Variants in LSM11 observed in about 807,000 individuals in gnomAD.
LSM11 encodes the protein LSM11, U7 small nuclear RNA associated.
A neutral mutation model predicts 28.1 loss-of-function variants in LSM11; 14 were observed. The ratio of observed to expected loss-of-function variants is 0.50; its 90% CI spans 0.33 to 0.78. The LOEUF is 0.78. LSM11 is among the 30% of genes least tolerant of loss of function. The pLI is 0.02. For synonymous variants in LSM11, 207 were observed against 214.2 expected, an observed-to-expected ratio of 0.97 and a Z score of 0.30; for missense variants, 495 against 510.6, an observed-to-expected ratio of 0.97 and a Z score of 0.30.
rs1761387870 is a variant in LSM11 at position 157,760,153 on chromosome 5, C to T, written c.*4889C>T. On this transcript the variant is annotated 3_prime_UTR_variant, in exon 4 of 4. Transcript: ENST00000286307. ...TTAGGAAAGCCATAAAAGTGATTCC[C>T]AATACTTTGCAATTGCTTTTGATTT... 6.6e-6 allele frequency: 1 copy of T among 152,080 alleles called. No homozygotes were observed. Among genetic ancestry groups the T allele is most frequent in the African/African-American group, 2.4e-5 (1 of 41,388 alleles). 9.4% of individuals were successfully genotyped at this position (152,080 alleles called of 1,614,324 possible).
intron 1 of LSM11, among the ~76,000 whole-genome samples, chr5:157,749,230 AG>A (rs1761189339): frequency 1.3e-5 from 2 of 152,320 alleles, no homozygotes; most frequent in African/African-American, 4.8e-5. Flanking sequence ...CTATTTTTGG[AG>A]GTGTGGGAAA....
chr5:157,754,926 A>G lies in LSM11; in HGVS notation c.745A>G (p.Thr249Ala), dbSNP rs1396197549. Residue 249 changes from threonine to alanine, a missense_variant, in exon 4 of 4, where the codon ACT (threonine) becomes GCT (alanine). Transcript: ENST00000286307. ...TTCTAAGTCTGCAGTTGAAGATTCC[A>G]CTCTGTCTAGATACTCACAGACATC... The part of the protein sequence containing the change: ...ADSKSAVEDS[T>A]LSRYSQTSTW... 2 of 1,614,166 alleles carry G rather than the reference A, an allele frequency of 1.2e-6. No homozygotes were observed. Among genetic ancestry groups the G allele is most frequent in the Non-Finnish European group, 1.7e-6 (2 of 1,180,024 alleles).
rs1450184404 is a variant in LSM11 at position 157,754,052 on chromosome 5, G to A, written c.637G>A (p.Ala213Thr). 1 of 1,573,538 alleles carries A rather than the reference G, an allele frequency of 6.4e-7. No individual in the cohort carries two copies. The highest frequency in any genetic ancestry group is 1.4e-5 in the African/African-American group (1 of 72,882). The change falls in exon 3 of 4, where the codon GCA becomes ACA. Residue 213 changes from alanine to threonine, a missense_variant. Coordinates refer to ENST00000286307, the MANE Select transcript of LSM11 (RefSeq NM_173491.4). ...CTACCGAAAACCTGTCCTAGGCAAAGCATATGAACGGGATTCTTCACTGAC... is the reference window on the plus strand; with the variant it reads ...CTACCGAAAACCTGTCCTAGGCAAAACATATGAACGGGATTCTTCACTGAC... ...ETYRKPVLGK[A>T]YERDSSLTLT...
rs778491893 is a variant in LSM11 at position 157,743,761 on chromosome 5, G to C, written c.11G>C (p.Arg4Pro). Residue 4 changes from arginine to proline, a missense_variant, in exon 1 of 4, where the codon CGG becomes CCG. By Grantham distance (103) the Arg-to-Pro change is moderately radical. Coordinates refer to ENST00000286307, the MANE Select transcript of LSM11 (RefSeq NM_173491.4). MEERERGARSAGAG... is the reference protein window; with the variant it reads MEEPERGARSAGAG... ...GCGGGCCTTTCAAACATGGAGGAGC[G>C]GGAGCGGGGGGCGAGGTCGGCTGGC... 3 of 1,399,906 alleles carry C rather than the reference G, an allele frequency of 2.1e-6. No homozygotes were observed. The highest frequency in any genetic ancestry group is 3.2e-5 in the Admixed American group (1 of 30,944). The allele number at this position is 1,399,906 out of a possible 1,614,324, so 86.7% of individuals were successfully genotyped here. A position where few individuals can be genotyped will look rare whatever the true frequency, so the allele number is the denominator to read the frequency against.
rs186231235 is a variant in LSM11, at chr5:157,744,349, T to C, written c.448+151T>C. ...AATTTGCGGGGATCATCAGTGACTATGGGGTGGATCTGCTTGAGTAATGTG... is the reference window on the plus strand; with the variant it reads ...AATTTGCGGGGATCATCAGTGACTACGGGGTGGATCTGCTTGAGTAATGTG... On this transcript the variant is annotated intron_variant, in intron 1 of 3. Transcript: ENST00000286307. 1,452 of 522,406 alleles carry C rather than the reference T, an allele frequency of 2.8e-3. 13 individuals carry two copies. Among genetic ancestry groups the C allele is most frequent in the Non-Finnish European group, 1.8e-3 (615 of 338,636 alleles). 32.4% of individuals were successfully genotyped at this position (522,406 alleles called of 1,614,324 possible). A position where few individuals can be genotyped will look rare whatever the true frequency, so the allele number is the denominator to read the frequency against.
intron 1 of LSM11, among the ~76,000 whole-genome samples, chr5:157,744,989 A>G (rs1395616162): frequency 6.6e-6 from 1 of 152,208 alleles, no homozygotes; most frequent in Non-Finnish European, 1.5e-5. Flanking sequence ...TCATATTACC[A>G]TATGTGCAGG....
At chr5:157,752,758 A>T (rs943848768) in intron 2 of LSM11, among the ~76,000 whole-genome samples, 1 of 150,918 alleles carries the variant, frequency 6.6e-6, no homozygotes. Context: ...AGGGAGGAGA[A>T]TCACTTGAAG....
intron 1 of LSM11, among the ~76,000 whole-genome samples, chr5:157,745,939 G>A (rs1761139632): frequency 6.6e-6 from 1 of 152,160 alleles, no homozygotes; most frequent in Admixed American, 6.5e-5. Flanking sequence ...TGGGAGGAGG[G>A]TGAGAATCAC....
rs995345584 is a variant in LSM11 at position 157,757,905 on chromosome 5, A to G, written c.*2641A>G. On this transcript the variant is annotated 3_prime_UTR_variant, in exon 4 of 4. Transcript: ENST00000286307. Reference sequence around the variant, plus strand: ...CATATAGCCGTATAAGGATTGATTTACCATTTTTTGCCCAACATGACAATT... The same window carrying G: ...CATATAGCCGTATAAGGATTGATTTGCCATTTTTTGCCCAACATGACAATT... 6.6e-6 allele frequency: 1 copy of G among 152,206 alleles called. No individual in the cohort carries two copies. Among genetic ancestry groups the G allele is most frequent in the Non-Finnish European group, 1.5e-5 (1 of 68,030 alleles). The allele number at this position is 152,206 out of a possible 1,614,324, so 9.4% of individuals were successfully genotyped here.
chr5:157,749,312 A>G (rs1451263182), intron 1 of LSM11, among the ~76,000 whole-genome samples: 1 of 152,196 alleles, frequency 6.6e-6, no homozygotes. Flanking sequence ...AACATACATC[A>G]TAGGGCAGGG....
rs999493174 is a variant in LSM11 at position 157,755,867 on chromosome 5, G to T, written c.*603G>T. ...GTATGCTCAAAGCAGCCAGCAATGA[G>T]TGCTCTGTTTTGATCCTTCTTCTTA... is the stretch of plus-strand genomic sequence containing the variant. On this transcript the variant is annotated 3_prime_UTR_variant, in exon 4 of 4. Coordinates refer to ENST00000286307, the MANE Select transcript of LSM11 (RefSeq NM_173491.4). 4 of 397,870 alleles carry T rather than the reference G, an allele frequency of 1.0e-5. No homozygotes were observed. Among genetic ancestry groups the T allele is most frequent in the African/African-American group, 8.2e-5 (4 of 48,492 alleles). 24.6% of individuals were successfully genotyped at this position (397,870 alleles called of 1,614,324 possible).
chr5:157,759,097 C>A lies in LSM11; in HGVS notation c.*3833C>A, dbSNP rs1761373474. 1 of 152,176 alleles carries A rather than the reference C, an allele frequency of 6.6e-6. No homozygotes were observed. Among genetic ancestry groups the A allele is most frequent in the Admixed American group, 6.5e-5 (1 of 15,282 alleles). The allele number at this position is 152,176 out of a possible 1,614,324, so 9.4% of individuals were successfully genotyped here. A position where few individuals can be genotyped will look rare whatever the true frequency, so the allele number is the denominator to read the frequency against. On this transcript the variant is annotated 3_prime_UTR_variant, in exon 4 of 4. Transcript: ENST00000286307. ...GAGAGTGGCTTTAGACCAGTCAGTACCTTGCTCTTTGTGCATGGTGCATGT... is the reference window on the plus strand; with the variant it reads ...GAGAGTGGCTTTAGACCAGTCAGTAACTTGCTCTTTGTGCATGGTGCATGT...
rs1368995710 is a variant in LSM11 at position 157,758,272 on chromosome 5, T to C, written c.*3008T>C. The C allele has an allele frequency of 6.6e-6, 1 of 152,028 alleles. No homozygotes were observed. The highest frequency in any genetic ancestry group is 1.5e-5 in the Non-Finnish European group (1 of 67,972). 9.4% of individuals were successfully genotyped at this position (152,028 alleles called of 1,614,324 possible). On this transcript the variant is annotated 3_prime_UTR_variant, in exon 4 of 4. Coordinates refer to ENST00000286307, the MANE Select transcript of LSM11 (RefSeq NM_173491.4). ...TGGGTCAGCCACCATGGCTGACTCA[T>C]TTTTTGTATTTTTAGTAGAGAAGGG...
At chr5:157,744,335 A>C (rs1262563024) in intron 1 of LSM11, 137 bp downstream of exon 1, 4 of 589,116 alleles carry the variant, frequency 6.8e-6, no homozygotes, top group Non-Finnish European at 1.0e-5. Flanking sequence ...ATTTGCGGGG[A>C]TCATCAGTGA....
Position 157,751,450 on chromosome 5 carries a change from A to G in LSM11, c.509A>G (p.Asn170Ser), listed in dbSNP as rs1761229841. The G allele has an allele frequency of 6.2e-7, 1 of 1,612,542 alleles. No individual in the cohort carries two copies. The highest frequency in any genetic ancestry group is 8.5e-7 in the Non-Finnish European group (1 of 1,179,438). Residue 170 changes from asparagine (N) to serine (S), a missense_variant, in exon 2 of 4, where the codon AAT becomes AGT. Coordinates refer to ENST00000286307, the MANE Select transcript of LSM11 (RefSeq NM_173491.4). ...HRCIREGVKV[N>S]VHIRTFKGLR... ...TGTATCCGTGAGGGGGTGAAGGTGA[A>G]TGTTCACATCCGCACTTTCAAGGGA...
At chr5:157,746,024 G>A (rs769665331) in intron 1 of LSM11, among the ~76,000 whole-genome samples, 18 of 152,038 alleles carry the variant, frequency 1.2e-4, no homozygotes, top group Admixed American at 1.3e-4. Flanking sequence ...AGTGACACAC[G>A]ATTTACACCT....
chr5:157,745,989 CA>C (rs1375494088), intron 1 of LSM11, among the ~76,000 whole-genome samples: 2 of 152,014 alleles, frequency 1.3e-5, no homozygotes, highest in East Asian at 3.8e-4. Context: ...ACCTGGGTGA[CA>C]AAATAATTTG....
chr5:157,752,053 T>C (rs899116681), intron 2 of LSM11, among the ~76,000 whole-genome samples: 1 of 152,180 alleles, frequency 6.6e-6, no homozygotes, highest in East Asian at 1.9e-4. Context: ...CTGAACCCCA[T>C]GCTAGGTGCA....
At position 157,744,075 on chromosome 5, in the gene LSM11, C is replaced by T. The variant is rs1433632246; in HGVS notation, c.325C>T (p.Arg109Cys). Reference protein sequence around the residue: ...RPDAPAPDPERIQRLRRLMVA... With the variant: ...RPDAPAPDPECIQRLRRLMVA... ...GGACGCGCCCGCCCCGGACCCCGAG[C>T]GCATCCAGCGCCTCCGCCGTCTCAT... is the stretch of plus-strand genomic sequence containing the variant. Residue 109 changes from arginine (R) to cysteine (C), a missense_variant, in exon 1 of 4, where the codon CGC becomes TGC. Physicochemically the swap from Arg to Cys is radical, Grantham distance 180 (BLOSUM62 -3). Transcript: ENST00000286307. 3 of 1,476,632 alleles carry T rather than the reference C, an allele frequency of 2.0e-6. No homozygotes were observed. Among genetic ancestry groups the T allele is most frequent in the East Asian group, 2.9e-5 (1 of 34,444 alleles). The allele number at this position is 1,476,632 out of a possible 1,614,324, so 91.5% of individuals were successfully genotyped here.
Sources: allele counts gnomAD v4.1 joint callset (sites outside exome capture counted in the v4.1 genomes callset), GRCh38; gene constraint gnomAD v4.1.1; transcripts MANE v1.5; gene names NCBI Gene and HGNC (gene_info 2026-07-23, HGNC 2026-07-21).